The following SLC6A9 variants were observed in gnomAD, a reference collection of about 807,000 sequenced individuals.
SLC6A9 encodes sodium- and chloride-dependent glycine transporter 1.
SLC6A9 carries 31 observed loss-of-function variants against 70.9 expected under a neutral mutation model. The ratio of observed to expected loss-of-function variants is 0.44; its 90% confidence interval spans 0.33 to 0.59. SLC6A9 has a LOEUF of 0.59. Ranked by LOEUF, SLC6A9 falls within the 20% of genes least tolerant of loss-of-function variation. SLC6A9 has a pLI of 0.04. For missense variants in SLC6A9, 631 were observed against 845.2 expected (o/e 0.75, Z 3.14); for synonymous variants, 310 against 341.3 (o/e 0.91, Z 1.01).
intron 2 of SLC6A9, 146 bp from the exon 3 acceptor site, chr1:44,011,028 T>C: frequency 1.2e-6 from 1 of 832,292 alleles, no homozygotes; most frequent in Non-Finnish European, 1.9e-6. Context: ...CAGGCAGGCC[T>C]GGCAAAGGAG....
At chr1:44,026,688 C>T (rs956795652) in intron 1 of SLC6A9, among the ~76,000 whole-genome samples, 1 of 151,886 alleles carries the variant, frequency 6.6e-6, no homozygotes, top group African/African-American at 2.4e-5. Flanking sequence ...AAAAAAGCCA[C>T]GTCACAGGTT....
intron 12 of SLC6A9, among the ~76,000 whole-genome samples, chr1:43,998,976 G>A (rs527296684): frequency 3.1e-4 from 36 of 116,392 alleles, no homozygotes; most frequent in African/African-American, 1.0e-3. Context: ...AGGGCCTGGC[G>A]GGGGAAGGGG....
chr1:44,030,135 G>A (rs2087071484), intron 1 of SLC6A9, among the ~76,000 whole-genome samples: 2 of 152,190 alleles, frequency 1.3e-5, no homozygotes, highest in African/African-American at 4.8e-5. Context: ...AGGCGCGGAG[G>A]CCTCCGGCCG....
At chr1:44,022,718 C>CTTTTTTTTT (rs777966364) in intron 2 of SLC6A9, among the ~76,000 whole-genome samples, 4 of 59,938 alleles carry the variant, frequency 6.7e-5, no homozygotes, top group Admixed American at 1.5e-4. Context: ...TTCTTTCTTT[C>CTTTTTTTTT]TTTCTTTTTT....
intron 1 of SLC6A9, among the ~76,000 whole-genome samples, chr1:44,026,552 G>A (rs1318082005): frequency 1.3e-5 from 2 of 152,010 alleles, no homozygotes; most frequent in East Asian, 3.9e-4. Context: ...CCAGCTACTC[G>A]GGAGGCTGAG....
In SLC6A9 at chr1:43,997,589, C is replaced by T. The variant is rs1445830998; in HGVS notation, c.1858G>A (p.Val620Met). The T allele has an allele frequency of 4.3e-6, 7 of 1,613,872 alleles. No homozygotes were observed. Among genetic ancestry groups the T allele is most frequent in the Non-Finnish European group, 5.9e-6 (7 of 1,179,998 alleles). ...AGGCGGCTGGAGCCATTACTGCCCACAATGGGGATCTGCGCCTTGTCCGGG... is the reference window on the plus strand; with the variant it reads ...AGGCGGCTGGAGCCATTACTGCCCATAATGGGGATCTGCGCCTTGTCCGGG... ...LHPDKAQIPIVGSNGSSRLQD... is the reference protein window; with the variant it reads ...LHPDKAQIPIMGSNGSSRLQD... Residue 620 changes from valine (V) to methionine (M), a missense_variant, in exon 14 of 14, where the codon GTG becomes ATG. Transcript: ENST00000372310. The surrounding 1 kb of genome is among the most constrained non-coding windows in gnomAD (Gnocchi z 4.4).
chr1:44,009,018 C>G (rs1307876207), intron 4 of SLC6A9, among the ~76,000 whole-genome samples: 1 of 129,950 alleles, frequency 7.7e-6, no homozygotes, highest in African/African-American at 3.0e-5. Flanking sequence ...CCGCGCCCGG[C>G]CTTTTTTTTT....
At chr1:44,003,302 G>A (rs1557673181) in intron 5 of SLC6A9, among the ~76,000 whole-genome samples, 1 of 152,258 alleles carries the variant, frequency 6.6e-6, no homozygotes, top group Non-Finnish European at 1.5e-5. Context: ...TCCCCAGTTG[G>A]GCTCAGCCCA....
At chr1:44,016,999 C>G (rs1484297980) in intron 2 of SLC6A9, 3 of 1,545,218 alleles carry the variant, frequency 1.9e-6, no homozygotes, top group Admixed American at 4.3e-5. Context: ...AGCCTCTCAG[C>G]CTGCCTGGCA....
rs560983387 is a variant in SLC6A9, at chr1:44,013,483, C to G, written c.31-2601G>C. The stretch of plus-strand genomic sequence containing the variant: ...TGTAACCCAGGGAGGCCACAGCCCC[C>G]GCGACAGGGCTGAACCGGGGTTGGC... On this transcript the variant is annotated intron_variant, in intron 2 of 13. Coordinates refer to ENST00000372310, the MANE Select transcript of SLC6A9 (RefSeq NM_001024845.3). This position sits in a 1 kb window ranked among gnomAD's most constrained non-coding sequence, Gnocchi z 5.3. 6.6e-6 allele frequency among the ~76,000 whole-genome samples: 1 copy of G among 152,352 alleles called. No homozygotes were observed. Among genetic ancestry groups the G allele is most frequent in the Non-Finnish European group, 1.5e-5 (1 of 68,042 alleles).
In SLC6A9 at chr1:44,001,020, A is replaced by G; in HGVS notation, c.1371T>C (p.Tyr457=). 1 of 1,581,220 alleles carries G rather than the reference A, an allele frequency of 6.3e-7. No individual in the cohort carries two copies. The highest frequency in any genetic ancestry group is 8.6e-7 in the Non-Finnish European group (1 of 1,162,068). The part of the protein sequence containing the change: ...GIYWLLLMDN[Y]AASFSLVVIS... ...TGACCACCAAGGAGAAGCTGGCCGC[A>G]TAGTTGTCCATCAGCAGCAGCCAAT... is the stretch of plus-strand genomic sequence containing the variant. Residue 457 remains tyrosine (Y), a synonymous_variant, in exon 11 of 14, where the codon TAT becomes TAC. Transcript: ENST00000372310.
chr1:44,011,444 AT>A (rs1231068471), intron 2 of SLC6A9: 9 of 845,168 alleles, frequency 1.1e-5, no homozygotes, highest in African/African-American at 1.7e-5. Flanking sequence ...CTGGGGGGAA[AT>A]GGGGGAGCAG....
At chr1:44,021,789 T>A (rs2086889125) in intron 2 of SLC6A9, among the ~76,000 whole-genome samples, 3 of 152,230 alleles carry the variant, frequency 2.0e-5, no homozygotes. Context: ...CTGGGCTGCC[T>A]GTGTTAGAAG....
At position 44,009,838 on chromosome 1, in the gene SLC6A9, G is replaced by A. The variant is rs2086481731; in HGVS notation, c.319+127C>T. The A allele has an allele frequency of 2.6e-6, 3 of 1,148,496 alleles. No homozygotes were observed. In the Admixed American group the frequency reaches 6.8e-5, roughly 26 times the overall value. The allele number at this position is 1,148,496 out of a possible 1,614,324, so 71.1% of individuals were successfully genotyped here. A position where few individuals can be genotyped will look rare whatever the true frequency, so the allele number is the denominator to read the frequency against. Reference sequence around the variant, plus strand: ...TCCATGGCTTAGGCCGTTGATGTGGGGCTTGGGGTCAGCATCAGGGCTCTA... The same window carrying A: ...TCCATGGCTTAGGCCGTTGATGTGGAGCTTGGGGTCAGCATCAGGGCTCTA... On this transcript the variant is annotated intron_variant, in intron 4 of 13. Coordinates refer to ENST00000372310, the MANE Select transcript of SLC6A9 (RefSeq NM_001024845.3).
chr1:43,996,560 G>A lies in SLC6A9; in HGVS notation c.*985C>T, dbSNP rs182168410. The A allele has an allele frequency of 1.0e-5, 2 of 195,930 alleles. No homozygotes were observed. The highest frequency in any genetic ancestry group is 1.3e-4 in the South Asian group (1 of 7,820). 12.1% of individuals were successfully genotyped at this position (195,930 alleles called of 1,614,324 possible). A position where few individuals can be genotyped will look rare whatever the true frequency, so the allele number is the denominator to read the frequency against. On this transcript the variant is annotated 3_prime_UTR_variant, in exon 14 of 14. Coordinates refer to ENST00000372310, the MANE Select transcript of SLC6A9 (RefSeq NM_001024845.3). ...TGGTGCACAATGGGCAGGGATGGGC[G>A]GCGCACCGTTATTGCTACAGAGGAT...
Position 44,008,391 on chromosome 1 carries a change from G to C in SLC6A9, c.552C>G (p.His184Gln). The change falls in exon 5 of 14, where the codon CAC (histidine) becomes CAG (glutamine). Residue 184 changes from histidine to glutamine, a missense_variant. Physicochemically the swap from His to Gln is conservative, Grantham distance 24. Coordinates refer to ENST00000372310, the MANE Select transcript of SLC6A9 (RefSeq NM_001024845.3). ...CGCTGGGGCTGGTCCTCTGGAGGCT[G>C]TGGTTGAGCAGGTGGGAGAGGTTGC... ...LPSNLSHLLN[H>Q]SLQRTSPSEE... The C allele has an allele frequency of 6.2e-7, 1 of 1,614,152 alleles. No homozygotes were observed. Among genetic ancestry groups the C allele is most frequent in the Non-Finnish European group, 8.5e-7 (1 of 1,179,962 alleles).
intron 1 of SLC6A9, among the ~76,000 whole-genome samples, chr1:44,030,929 C>T (rs1419735502): frequency 6.6e-6 from 1 of 152,258 alleles, no homozygotes; most frequent in Non-Finnish European, 1.5e-5. Context: ...GTGCCACGCT[C>T]TGGCTCCGGC....
At chr1:44,011,027 C>A in intron 2 of SLC6A9, 145 bp from the exon 3 acceptor site, 1 of 837,734 alleles carries the variant, frequency 1.2e-6, no homozygotes. Context: ...TCAGGCAGGC[C>A]TGGCAAAGGA....
intron 2 of SLC6A9, among the ~76,000 whole-genome samples, chr1:44,022,696 AT>A (rs2086905186): frequency 2.0e-5 from 2 of 99,614 alleles, no homozygotes; most frequent in Admixed American, 1.9e-4. Flanking sequence ...CTGTTTTTTA[AT>A]TTTTCTTTCT....
Sources: gnomAD v4.1 joint callset for allele counts (sites outside exome capture counted in the v4.1 genomes callset) on GRCh38, gnomAD v4.1.1 for gene constraint, Gnocchi (gnomAD v3.1) non-coding constraint, MANE v1.5 for transcripts, NCBI Gene and HGNC (gene_info 2026-07-23, HGNC 2026-07-21) for gene names.